The following TPTE2 variants were observed in gnomAD, a reference collection of about 807,000 sequenced individuals.
TPTE2 encodes transmembrane phosphoinositide 3-phosphatase and tensin homolog 2, also known as phosphatidylinositol 3,4,5-trisphosphate 3-phosphatase TPTE2.
Under a neutral mutation model 78.6 loss-of-function variants are expected in TPTE2, and 53 were observed. The ratio of observed to expected loss-of-function variants is 0.67; its 90% CI spans 0.54 to 0.85. The LOEUF (loss-of-function observed/expected upper bound fraction) is 0.85, where lower values mean the gene tolerates loss of function less well. TPTE2 is among the 40% of genes least tolerant of loss of function. TPTE2 has a pLI of 0.00. For synonymous variants in TPTE2, 175 were observed against 206.2 expected (o/e 0.85, Z 1.30); for missense variants, 461 against 623.0 (o/e 0.74, Z 2.77).
intron 11 of TPTE2, among the ~76,000 whole-genome samples, chr13:19,450,582 T>C (rs1003601373): frequency 6.6e-6 from 1 of 152,184 alleles, no homozygotes; most frequent in Non-Finnish European, 1.5e-5. Context: ...GTATAATTTT[T>C]AACTTTCTAG....
chr13:19,488,380 C>T (rs1200302851), intron 3 of TPTE2, among the ~76,000 whole-genome samples: 1 of 152,242 alleles, frequency 6.6e-6, no homozygotes, highest in Non-Finnish European at 1.5e-5. Context: ...GACTTCTCCT[C>T]TCTAAATATA....
At chr13:19,534,395 T>C (rs1395616022) in intron 1 of TPTE2, among the ~76,000 whole-genome samples, 5 of 152,214 alleles carry the variant, frequency 3.3e-5, no homozygotes. Flanking sequence ...GGGGGCACTA[T>C]GCCAGATACC....
At chr13:19,528,736 T>C (rs1870679869) in intron 1 of TPTE2, among the ~76,000 whole-genome samples, 1 of 152,178 alleles carries the variant, frequency 6.6e-6, no homozygotes, top group Non-Finnish European at 1.5e-5. Context: ...TATCCACCCA[T>C]CTCAGTCCCC....
chr13:19,538,370 G>A (rs1871328888), upstream of TPTE2, among the ~76,000 whole-genome samples: 1 of 151,530 alleles, frequency 6.6e-6, no homozygotes, highest in Non-Finnish European at 1.5e-5. Flanking sequence ...ACAGGCGCCC[G>A]CCACCACCCC....
intron 5 of TPTE2, 141 bp from the exon 9 acceptor site, chr13:19,474,216 G>C: frequency 1.1e-6 from 1 of 883,854 alleles, no homozygotes; most frequent in African/African-American, 1.9e-5. Context: ...AAGCTGCCCA[G>C]TGGCAGGAAA....
At chr13:19,547,220 G>T in the TPTE2 span, among the ~76,000 whole-genome samples, 1 of 152,202 alleles carries the variant, frequency 6.6e-6, no homozygotes, top group Non-Finnish European at 1.5e-5. Flanking sequence ...ATTCTGGGAG[G>T]CTGAGGCGGG....
At chr13:19,537,698 G>A (rs1871291737), upstream of TPTE2, among the ~76,000 whole-genome samples, 1 of 151,646 alleles carries the variant, frequency 6.6e-6, no homozygotes, top group Non-Finnish European at 1.5e-5. Context: ...TGTCTCCTGG[G>A]TTCAAGCAAT....
chr13:19,464,392 A>G (rs1318429559), intron 10 of TPTE2, 64 bp downstream of exon 13: 2 of 1,474,626 alleles, frequency 1.4e-6, no homozygotes, highest in Non-Finnish European at 1.9e-6. Flanking sequence ...GGTCAATATT[A>G]AACTTATGAC....
At chr13:19,481,425 G>T (rs1260794950) in intron 4 of TPTE2, among the ~76,000 whole-genome samples, 1 of 152,166 alleles carries the variant, frequency 6.6e-6, no homozygotes, top group Non-Finnish European at 1.5e-5. Flanking sequence ...TCAGGTGAAT[G>T]AATATATGAT....
upstream of TPTE2, among the ~76,000 whole-genome samples, chr13:19,506,966 G>T (rs1869092853): frequency 6.6e-6 from 1 of 152,104 alleles, no homozygotes; most frequent in Non-Finnish European, 1.5e-5. Flanking sequence ...TATTTATCTT[G>T]TATCCAACTA....
Position 19,459,004 on chromosome 13 carries a change from C to T in TPTE2, c.741+5452G>A, listed in dbSNP as rs71433582. On this transcript the variant is annotated intron_variant, in intron 10 of 19. Transcript: ENST00000400230. ...CTTTGAGGAATTGCCACACTGTCTT[C>T]CACATGGGTCGAACTAATTTACACA... Among the ~76,000 whole-genome samples, 150 of 152,176 alleles carry T rather than the reference C, an allele frequency of 9.9e-4. No individual in the cohort carries two copies. In the Middle Eastern group the frequency reaches 0.014, roughly 14 times the overall value.
intron 1 of TPTE2, among the ~76,000 whole-genome samples, chr13:19,532,572 A>G (rs768222246): frequency 2.6e-5 from 4 of 152,212 alleles, no homozygotes; most frequent in South Asian, 2.1e-4. Context: ...CTTGTTCTTT[A>G]TACATTACCC....
At chr13:19,470,519 GTTTATT>G (rs1373079604) in intron 6 of TPTE2, among the ~76,000 whole-genome samples, 2 of 151,802 alleles carry the variant, frequency 1.3e-5, no homozygotes, top group East Asian at 1.9e-4. Context: ...TTTTTCATTT[GTTTATT>G]TTTATTTTTA....
chr13:19,461,824 C>T (rs533682301), intron 10 of TPTE2, among the ~76,000 whole-genome samples: 5 of 152,024 alleles, frequency 3.3e-5, no homozygotes, highest in African/African-American at 4.8e-5. Flanking sequence ...TACCTCTGCT[C>T]GCTTTTGGTT....
chr13:19,549,999 C>T, the TPTE2 span, among the ~76,000 whole-genome samples: 18,895 of 96,442 alleles, frequency 0.2, 2,311 homozygotes, highest in Middle Eastern at 0.27. Flanking sequence ...GGGGCCTATT[C>T]GAGGGGGGAG....
the TPTE2 span, among the ~76,000 whole-genome samples, chr13:19,548,791 A>C: frequency 2.6e-5 from 4 of 152,012 alleles, no homozygotes; most frequent in African/African-American, 9.7e-5. Flanking sequence ...CATTCTAGAC[A>C]ACAGCCCAGG....
chr13:19,475,652 C>A, intron 4 of TPTE2, 29 bp from the exon 8 acceptor site: 1 of 1,602,366 alleles, frequency 6.2e-7, no homozygotes, highest in Admixed American at 1.7e-5. Context: ...ATAAAATTAA[C>A]CAGATTTCTT....
intron 19 of TPTE2, among the ~76,000 whole-genome samples, chr13:19,423,631 T>C (rs527671413): frequency 6.6e-6 from 1 of 152,314 alleles, no homozygotes; most frequent in East Asian, 1.9e-4. Flanking sequence ...AGGCATAAAT[T>C]GGTTAACCCA....
At chr13:19,559,337 G>A in the TPTE2 span, among the ~76,000 whole-genome samples, 1 of 152,204 alleles carries the variant, frequency 6.6e-6, no homozygotes, top group African/African-American at 2.4e-5. Context: ...TCTCTGTACA[G>A]CCAAGGGCTC....
Sources: gnomAD v4.1 joint callset for allele counts (sites outside exome capture counted in the v4.1 genomes callset) on GRCh38, gnomAD v4.1.1 for gene constraint, MANE v1.5 for transcripts, NCBI Gene and HGNC (gene_info 2026-07-23, HGNC 2026-07-21) for gene names.